Variants in NRXN1 observed in about 807,000 individuals in gnomAD.
The protein encoded by NRXN1 is neurexin 1.
Under a neutral mutation model 150.9 loss-of-function variants are expected in NRXN1, and 39 were observed. That is an observed-to-expected ratio of 0.26 (90% CI 0.20 to 0.34). The LOEUF (loss-of-function observed/expected upper bound fraction) is 0.34. NRXN1 is among the 10% of genes least tolerant of loss of function. NRXN1 has a pLI of 1.00. For missense variants in NRXN1, 1,815 were observed against 1,949.9 expected, an observed-to-expected ratio of 0.93 and a Z score of 1.30; for synonymous variants, 924 against 757.0, an observed-to-expected ratio of 1.22 and a Z score of -3.62.
chr2:50,650,353 G>A (rs561259289), intron 5 of NRXN1, among the ~76,000 whole-genome samples: 1 of 152,138 alleles, frequency 6.6e-6, no homozygotes, highest in East Asian at 1.9e-4. Context: ...TTGTTTCTGT[G>A]GAGAAGTCAA....
chr2:50,396,571 G>A (rs2082064006), intron 17 of NRXN1, among the ~76,000 whole-genome samples: 1 of 152,012 alleles, frequency 6.6e-6, no homozygotes, highest in Non-Finnish European at 1.5e-5. Context: ...GAGGAATTGT[G>A]GTCAAAAAAC....
intron 5 of NRXN1, among the ~76,000 whole-genome samples, chr2:50,840,545 T>A (rs995547541): frequency 7.9e-5 from 12 of 152,234 alleles, no homozygotes; most frequent in African/African-American, 2.9e-4. Flanking sequence ...TCGGCTTGCC[T>A]GACAGACCAA....
chr2:50,598,826 T>G (rs1427824197), intron 8 of NRXN1, among the ~76,000 whole-genome samples: 1 of 151,478 alleles, frequency 6.6e-6, no homozygotes, highest in Non-Finnish European at 1.5e-5. Flanking sequence ...GCTGTGATCT[T>G]GGCTCACTGC....
rs543910939 is a variant in NRXN1 at position 50,798,020 on chromosome 2, T to C, written c.832+123849A>G. On this transcript the variant is annotated intron_variant, in intron 5 of 22. Transcript: ENST00000401669. ...GTTATTTGAGGCGGGCTGGTAGAAA[T>C]TGTATGCTAAAAGTAGATATTTCCT... 1.3e-4 allele frequency among the ~76,000 whole-genome samples: 20 copies of C among 152,248 alleles called. No individual in the cohort carries two copies. In the East Asian group the frequency reaches 2.5e-3, roughly 19 times the overall value.
rs192780593 is a variant in NRXN1 at position 49,930,166 on chromosome 2, G to C, written c.4217-7915C>G. Reference sequence around the variant, plus strand: ...GGTTGTAGCACAGTGAGATTTAAGGGAGAGTGAGAAGAAATTTCAAGGTGG... The same window carrying C: ...GGTTGTAGCACAGTGAGATTTAAGGCAGAGTGAGAAGAAATTTCAAGGTGG... On this transcript the variant is annotated intron_variant, in intron 22 of 22. Coordinates refer to ENST00000401669, the MANE Select transcript of NRXN1 (RefSeq NM_001330078.2). 5.2e-3 allele frequency among the ~76,000 whole-genome samples: 792 copies of C among 152,284 alleles called. 26 individuals carry two copies. Among genetic ancestry groups the C allele is most frequent in the Admixed American group, 0.048 (728 of 15,288 alleles).
intron 17 of NRXN1, among the ~76,000 whole-genome samples, chr2:50,388,675 T>C (rs1324182081): frequency 6.6e-6 from 1 of 152,142 alleles, no homozygotes; most frequent in Middle Eastern, 3.2e-3. Context: ...TTCCATTCAA[T>C]TATATTGAAA....
At chr2:50,381,036 A>T (rs1486999276) in intron 17 of NRXN1, among the ~76,000 whole-genome samples, 1 of 152,144 alleles carries the variant, frequency 6.6e-6, no homozygotes, top group African/African-American at 2.4e-5. Flanking sequence ...AACCCACTGG[A>T]TAGTGTGCTT....
chr2:50,695,308 T>A (rs918834014), intron 5 of NRXN1, among the ~76,000 whole-genome samples: 13 of 152,222 alleles, frequency 8.5e-5, no homozygotes, highest in African/African-American at 3.1e-4. Context: ...CAGACTCACA[T>A]GAATTAAAGA....
intron 5 of NRXN1, among the ~76,000 whole-genome samples, chr2:50,851,661 C>T (rs892556692): frequency 3.3e-5 from 5 of 151,684 alleles, no homozygotes; most frequent in African/African-American, 7.3e-5. Flanking sequence ...TTAAAATAAA[C>T]GGATAAATTC....
chr2:50,135,905 A>G (rs1706333049), intron 18 of NRXN1, among the ~76,000 whole-genome samples: 1 of 152,204 alleles, frequency 6.6e-6, no homozygotes, highest in Admixed American at 6.5e-5. Flanking sequence ...TGGATAATGT[A>G]AAGCCTATAT....
intron 5 of NRXN1, among the ~76,000 whole-genome samples, chr2:50,786,694 G>A (rs962745558): frequency 6.6e-6 from 1 of 152,122 alleles, no homozygotes; most frequent in African/African-American, 2.4e-5. Context: ...GAGAAACCGT[G>A]TGGCAGTTCC....
intron 19 of NRXN1, among the ~76,000 whole-genome samples, chr2:50,078,144 T>C (rs1020678976): frequency 2.6e-5 from 4 of 152,064 alleles, no homozygotes; most frequent in African/African-American, 2.4e-5. Context: ...CCAACTCCAG[T>C]ATTAGATTAA....
intron 13 of NRXN1, among the ~76,000 whole-genome samples, chr2:50,504,767 A>G (rs1412879165): frequency 6.6e-6 from 1 of 152,176 alleles, no homozygotes; most frequent in Non-Finnish European, 1.5e-5. Flanking sequence ...TACGAAATAT[A>G]AACTACTTCA....
chr2:50,814,829 C>A (rs554707839), intron 5 of NRXN1, among the ~76,000 whole-genome samples: 22 of 151,906 alleles, frequency 1.4e-4, no homozygotes, highest in African/African-American at 4.3e-4. Context: ...CTGTATTTTC[C>A]TTACTTAGCA....
intron 19 of NRXN1, among the ~76,000 whole-genome samples, chr2:50,068,101 T>C (rs1442950363): frequency 2.6e-5 from 4 of 152,202 alleles, no homozygotes; most frequent in African/African-American, 9.6e-5. Flanking sequence ...AAAGTCTGAT[T>C]ATTATGACAT....
chr2:49,943,905 T>C, intron 21 of NRXN1, 114 bp from the exon 22 acceptor site: 2 of 787,242 alleles, frequency 2.5e-6, no homozygotes, highest in Non-Finnish European at 4.4e-6. Context: ...AAATTCACTA[T>C]TTCCCTTTCT....
chr2:50,385,245 G>A (rs927742690), intron 17 of NRXN1, among the ~76,000 whole-genome samples: 1 of 152,128 alleles, frequency 6.6e-6, no homozygotes, highest in African/African-American at 2.4e-5. Context: ...GTGCATCAAT[G>A]CATGAGTGAA....
Position 50,346,583 on chromosome 2 carries a change from T to G in NRXN1, c.3365-109613A>C. 3 of 1,201,316 alleles carry G rather than the reference T, an allele frequency of 2.5e-6. No individual in the cohort carries two copies. Among genetic ancestry groups the G allele is most frequent in the Non-Finnish European group, 2.4e-6 (2 of 827,458 alleles). The allele number at this position is 1,201,316 out of a possible 1,614,324, so 74.4% of individuals were successfully genotyped here. A position where few individuals can be genotyped will look rare whatever the true frequency, so the allele number is the denominator to read the frequency against. ...CCAAGCACACCCAAATGCACCTCCCTTTTGTCGAGCTCCCATTTCTCTGAG... is the reference window on the plus strand; with the variant it reads ...CCAAGCACACCCAAATGCACCTCCCGTTTGTCGAGCTCCCATTTCTCTGAG... On this transcript the variant is annotated intron_variant, in intron 17 of 22. Coordinates refer to ENST00000401669, the MANE Select transcript of NRXN1 (RefSeq NM_001330078.2). The surrounding 1 kb of genome is among the most constrained non-coding windows in gnomAD (Gnocchi z 5.0).
At chr2:50,379,145 G>C (rs1467267665) in intron 17 of NRXN1, among the ~76,000 whole-genome samples, 1 of 152,088 alleles carries the variant, frequency 6.6e-6, no homozygotes, top group African/African-American at 2.4e-5. Flanking sequence ...AAGAAAGAGA[G>C]AGAAAGGCAT....
Sources: allele counts gnomAD v4.1 joint callset (sites outside exome capture counted in the v4.1 genomes callset), GRCh38; gene constraint gnomAD v4.1.1; non-coding constraint Gnocchi (gnomAD v3.1); transcripts MANE v1.5; gene names NCBI Gene and HGNC (gene_info 2026-07-23, HGNC 2026-07-21).